The following ABCB11 variants were observed in gnomAD, a reference collection of about 807,000 sequenced individuals.
The protein encoded by ABCB11 is ATP binding cassette subfamily B member 11, also known as bile salt export pump.
A neutral mutation model predicts 148.0 loss-of-function variants in ABCB11; 95 were observed. That is an observed-to-expected ratio of 0.64 (90% CI 0.54 to 0.76). The LOEUF is 0.76. ABCB11 is among the 30% of genes least tolerant of loss of function. The pLI is 0.00. For synonymous variants in ABCB11, 591 were observed against 555.4 expected, an observed-to-expected ratio of 1.06 and a Z score of -0.90; for missense variants, 1,523 against 1,617.8, an observed-to-expected ratio of 0.94 and a Z score of 1.01.
At chr2:169,022,857 T>G (rs141862477) in intron 1 of ABCB11, among the ~76,000 whole-genome samples, 120 of 152,162 alleles carry the variant, frequency 7.9e-4, no homozygotes, top group African/African-American at 2.8e-3. Context: ...AATGCAATGA[T>G]TATTTAAGGT....
At chr2:168,926,725 A>G (rs926476608) in intron 26 of ABCB11, among the ~76,000 whole-genome samples, 1 of 152,204 alleles carries the variant, frequency 6.6e-6, no homozygotes, top group African/African-American at 2.4e-5. Flanking sequence ...TAGAGCCACA[A>G]TCATAATACA....
chr2:168,923,780 A>T lies in ABCB11; in HGVS notation c.3808T>A (p.Cys1270Ser). The T allele has an allele frequency of 6.2e-7, 1 of 1,613,986 alleles. No individual in the cohort carries two copies. The highest frequency in any genetic ancestry group is 8.5e-7 in the Non-Finnish European group (1 of 1,179,894). The change falls in exon 28 of 28, where the codon TGC (cysteine) becomes AGC (serine). Residue 1270 changes from cysteine to serine, a missense_variant. Coordinates refer to ENST00000650372, the MANE Select transcript of ABCB11 (RefSeq NM_003742.4). ...ALDKAREGRT[C>S]IVIAHRLSTI... is the part of the protein sequence containing the mutation. ...GACAAGCGATGGGCAATGACAATGC[A>T]GGTCCGACCCTCTCTGGCTTTGTCT...
At chr2:169,011,341 G>T (rs1265526408) in intron 5 of ABCB11, among the ~76,000 whole-genome samples, 2 of 152,030 alleles carry the variant, frequency 1.3e-5, no homozygotes, top group South Asian at 2.1e-4. Context: ...ATGTTTTGTG[G>T]TCAAACCCCT....
intron 19 of ABCB11, among the ~76,000 whole-genome samples, chr2:168,947,154 A>T (rs988062583): frequency 5.9e-5 from 9 of 151,812 alleles, no homozygotes; most frequent in Non-Finnish European, 1.2e-4. Context: ...TATGTGCCAC[A>T]TGTCAAATGC....
At chr2:169,024,490 C>T (rs557684499) in intron 1 of ABCB11, among the ~76,000 whole-genome samples, 69 of 70,224 alleles carry the variant, frequency 9.8e-4, no homozygotes, top group Middle Eastern at 7.4e-3. Flanking sequence ...CCCATGTACC[C>T]CACACCCAGT....
intron 5 of ABCB11, among the ~76,000 whole-genome samples, chr2:169,008,409 T>C: frequency 6.6e-6 from 1 of 152,140 alleles, no homozygotes; most frequent in Non-Finnish European, 1.5e-5. Context: ...TACAGGCAAA[T>C]CCCCCTCTGC....
chr2:168,989,685 C>T (rs1392922523), intron 9 of ABCB11, among the ~76,000 whole-genome samples: 1 of 151,900 alleles, frequency 6.6e-6, no homozygotes, highest in Non-Finnish European at 1.5e-5. Context: ...TTGTCTTGTT[C>T]CTGATCTTAG....
At chr2:168,936,533 A>C (rs1263330034) in intron 21 of ABCB11, 100 bp from the exon 22 acceptor site, 2 of 1,043,346 alleles carry the variant, frequency 1.9e-6, no homozygotes, top group Admixed American at 2.0e-5. Flanking sequence ...TTGTGATAAA[A>C]TATACATAAC....
chr2:168,935,095 T>A (rs1012426480), intron 23 of ABCB11, 89 bp downstream of exon 23: 2 of 1,544,258 alleles, frequency 1.3e-6, no homozygotes, highest in African/African-American at 2.7e-5. Context: ...TTGGGATGGT[T>A]TGCTAAGCAG....
At chr2:168,971,802 T>G in intron 14 of ABCB11, 45 bp downstream of exon 14, 1 of 1,578,352 alleles carries the variant, frequency 6.3e-7, no homozygotes, top group East Asian at 2.2e-5. Flanking sequence ...TTTTTTTCCT[T>G]CTATGACCTC....
In ABCB11 at chr2:168,936,282, A is replaced by G; in HGVS notation, c.2762T>C (p.Met921Thr). The change falls in exon 22 of 28, where the codon ATG becomes ACG. Residue 921 changes from methionine to threonine, a missense_variant. Coordinates refer to ENST00000650372, the MANE Select transcript of ABCB11 (RefSeq NM_003742.4). ...ATCTCGAGAGGCAAATCCTGTCAAC[A>G]TCCTGGTCTGTGTGGCTCCTGATAA... ...LALSGATQTR[M>T]LTGFASRDKQ... 1 of 1,613,958 alleles carries G rather than the reference A, an allele frequency of 6.2e-7. No homozygotes were observed. The highest frequency in any genetic ancestry group is 8.5e-7 in the Non-Finnish European group (1 of 1,179,880).
At chr2:168,949,137 T>C (rs1207813955) in intron 19 of ABCB11, among the ~76,000 whole-genome samples, 1 of 151,688 alleles carries the variant, frequency 6.6e-6, no homozygotes, top group Non-Finnish European at 1.5e-5. Context: ...AAAGGATTTA[T>C]GTGTATATAT....
At chr2:168,964,449 C>T in intron 17 of ABCB11, 141 bp from the exon 18 acceptor site, 1 of 701,538 alleles carries the variant, frequency 1.4e-6, no homozygotes. Context: ...AGGGAGCTTG[C>T]AGGTTAGGTT....
chr2:168,976,944 T>A (rs1229794423), intron 11 of ABCB11, among the ~76,000 whole-genome samples: 3 of 150,542 alleles, frequency 2.0e-5, no homozygotes, highest in Non-Finnish European at 4.4e-5. Flanking sequence ...TGTGTACTCA[T>A]TAAACGTTTA....
intron 5 of ABCB11, among the ~76,000 whole-genome samples, chr2:169,003,207 G>A (rs964732271): frequency 1.5e-4 from 23 of 151,762 alleles, no homozygotes; most frequent in African/African-American, 2.9e-4. Flanking sequence ...AACATACACC[G>A]TTTAGTTTTC....
At chr2:168,984,313 T>C (rs1445394331) in intron 10 of ABCB11, among the ~76,000 whole-genome samples, 1 of 152,148 alleles carries the variant, frequency 6.6e-6, no homozygotes, top group Non-Finnish European at 1.5e-5. Flanking sequence ...TCCATTAAAG[T>C]GTAAATCCCA....
At chr2:168,918,661 G>A (rs567045929), downstream of ABCB11, among the ~76,000 whole-genome samples, 4 of 152,208 alleles carry the variant, frequency 2.6e-5, no homozygotes, top group East Asian at 5.8e-4. Context: ...TATATGTACC[G>A]AAACTTATTT....
chr2:168,919,243 A>G (rs1197359029), downstream of ABCB11, among the ~76,000 whole-genome samples: 1 of 152,226 alleles, frequency 6.6e-6, no homozygotes, highest in East Asian at 1.9e-4. Flanking sequence ...CAGATGAGTC[A>G]TAAGGTAAAA....
intron 13 of ABCB11, 115 bp from the exon 14 acceptor site, chr2:168,972,165 T>C (rs1484222158): frequency 1.2e-6 from 1 of 867,670 alleles, no homozygotes; most frequent in Non-Finnish European, 1.8e-6. Context: ...AAGATTCTAA[T>C]GGAAACAATT....
Sources: allele counts gnomAD v4.1 joint callset (sites outside exome capture counted in the v4.1 genomes callset), GRCh38; gene constraint gnomAD v4.1.1; transcripts MANE v1.5; gene names NCBI Gene and HGNC (gene_info 2026-07-23, HGNC 2026-07-21).